The following CDC42BPA variants were observed in gnomAD, a reference collection of about 807,000 sequenced individuals.
CDC42BPA encodes serine/threonine-protein kinase MRCK alpha.
CDC42BPA carries 80 observed loss-of-function variants against 223.5 expected under a neutral mutation model. The ratio of observed to expected loss-of-function variants is 0.36; its 90% CI spans 0.30 to 0.43. The LOEUF is 0.43. CDC42BPA is among the 20% of genes least tolerant of loss of function. The probability of loss-of-function intolerance (pLI) is 1.00; values close to 1 mark genes in which losing one functional copy is unlikely to be tolerated. For missense variants in CDC42BPA, 1,743 were observed against 2,099.9 expected (o/e 0.83, Z 3.32); for synonymous variants, 694 against 718.6 (o/e 0.97, Z 0.55).
In CDC42BPA at chr1:227,317,346, C is replaced by A; in HGVS notation, c.-164G>T. On this transcript the variant is annotated 5_prime_UTR_variant, in exon 1 of 37. Transcript: ENST00000366766. ...AATTAAACATCCAACACACCAGTAACCTCACTTAACTGAAGCGTCTTCAAT... is the reference window on the plus strand; with the variant it reads ...AATTAAACATCCAACACACCAGTAAACTCACTTAACTGAAGCGTCTTCAAT... 2 of 624,194 alleles carry A rather than the reference C, an allele frequency of 3.2e-6. No homozygotes were observed. The highest frequency in any genetic ancestry group is 3.4e-5 in the Admixed American group (1 of 29,794). 38.7% of individuals were successfully genotyped at this position (624,194 alleles called of 1,614,324 possible). A position where few individuals can be genotyped will look rare whatever the true frequency, so the allele number is the denominator to read the frequency against.
chr1:227,016,780 T>C (rs558360010), intron 33 of CDC42BPA, 147 bp downstream of exon 33: 1 of 686,364 alleles, frequency 1.5e-6, no homozygotes, highest in East Asian at 2.8e-5. Context: ...CACTGAGAAG[T>C]TACATTCATT....
intron 3 of CDC42BPA, among the ~76,000 whole-genome samples, chr1:227,208,898 C>T (rs1246920197): frequency 1.3e-5 from 2 of 151,998 alleles, no homozygotes; most frequent in Non-Finnish European, 2.9e-5. Context: ...TGAAGAAAGT[C>T]ATTGGTAGCT....
chr1:227,118,614 T>A (rs1688138969), intron 12 of CDC42BPA, among the ~76,000 whole-genome samples: 1 of 152,112 alleles, frequency 6.6e-6, no homozygotes, highest in Admixed American at 6.5e-5. Context: ...TTTCATCCTC[T>A]TTCCAAAGGG....
At chr1:227,316,673 G>C (rs544903550) in intron 1 of CDC42BPA, among the ~76,000 whole-genome samples, 1 of 152,262 alleles carries the variant, frequency 6.6e-6, no homozygotes, top group South Asian at 2.1e-4. Context: ...GACTATTATA[G>C]TGCCATGTAT....
intron 1 of CDC42BPA, chr1:227,265,144 C>T: frequency 1.4e-6 from 1 of 726,620 alleles, no homozygotes. Context: ...TACTAAGATT[C>T]CAGCAACCAC....
At chr1:226,999,171 T>C (rs1445507670) in intron 35 of CDC42BPA, among the ~76,000 whole-genome samples, 3 of 143,066 alleles carry the variant, frequency 2.1e-5, no homozygotes, top group Admixed American at 7.1e-5. Flanking sequence ...TGTGGAGAAA[T>C]AGGAACACTT....
At chr1:227,233,936 T>C (rs934130329) in intron 2 of CDC42BPA, among the ~76,000 whole-genome samples, 2 of 152,146 alleles carry the variant, frequency 1.3e-5, no homozygotes, top group African/African-American at 4.8e-5. Context: ...CTGTCTCAAT[T>C]TTAAATAAAT....
intron 1 of CDC42BPA, among the ~76,000 whole-genome samples, chr1:227,297,873 T>C (rs1234299669): frequency 6.6e-6 from 1 of 150,980 alleles, no homozygotes; most frequent in African/African-American, 2.4e-5. Flanking sequence ...ATGTTATACA[T>C]TTTGAAATGT....
At chr1:227,297,967 T>C (rs199680470) in intron 1 of CDC42BPA, among the ~76,000 whole-genome samples, 3 of 132,082 alleles carry the variant, frequency 2.3e-5, no homozygotes, top group Admixed American at 7.5e-5. Context: ...TATATACATA[T>C]ACACACACAC....
At chr1:227,084,130 G>A (rs1443458309) in intron 16 of CDC42BPA, among the ~76,000 whole-genome samples, 3 of 152,164 alleles carry the variant, frequency 2.0e-5, no homozygotes, top group African/African-American at 7.2e-5. Flanking sequence ...TATTCATATA[G>A]TATTATTTTT....
intron 32 of CDC42BPA, among the ~76,000 whole-genome samples, chr1:227,021,228 T>C (rs1667315882): frequency 6.6e-6 from 1 of 152,000 alleles, no homozygotes; most frequent in Non-Finnish European, 1.5e-5. Flanking sequence ...GTTGGGAAAA[T>C]GGCACTGAGA....
intron 5 of CDC42BPA, among the ~76,000 whole-genome samples, chr1:227,168,962 A>G (rs1665631974): frequency 2.6e-5 from 4 of 152,038 alleles, no homozygotes; most frequent in Admixed American, 2.6e-4. Flanking sequence ...AGGTCCTTGG[A>G]CTACTATTAT....
intron 34 of CDC42BPA, among the ~76,000 whole-genome samples, chr1:227,010,631 A>C (rs1664991860): frequency 6.6e-6 from 1 of 152,222 alleles, no homozygotes; most frequent in Admixed American, 6.5e-5. Context: ...ACTGTGTTTC[A>C]AAAATGAAAA....
At chr1:227,207,610 G>A (rs1173522228) in intron 3 of CDC42BPA, among the ~76,000 whole-genome samples, 1 of 149,236 alleles carries the variant, frequency 6.7e-6, no homozygotes, top group East Asian at 2.0e-4. Context: ...GTAAGAATAT[G>A]CGGTGTTTGG....
chr1:227,263,194 T>C (rs754887017), intron 1 of CDC42BPA, among the ~76,000 whole-genome samples: 21 of 152,214 alleles, frequency 1.4e-4, no homozygotes, highest in Non-Finnish European at 2.8e-4. Context: ...ATCGTGCCAC[T>C]GCACTCCAGC....
rs1572881912 is a variant in CDC42BPA, at chr1:227,112,772, C to A, written c.1789G>T (p.Ala597Ser). The change falls in exon 13 of 37, where the codon GCT becomes TCT. Residue 597 changes from alanine (A) to serine (S), a missense_variant. Coordinates refer to ENST00000366766, the MANE Select transcript of CDC42BPA (RefSeq NM_001394014.1). ...TELHTQKQKL[A>S]RHVRDKEEEV... is the part of the protein sequence containing the mutation. ...TCTTCCTTATCTCGGACATGGCGAG[C>A]AAGTTTCTGTTTTTGGGTGTGCAAT... 6.2e-7 allele frequency: 1 copy of A among 1,613,930 alleles called. No homozygotes were observed. Among genetic ancestry groups the A allele is most frequent in the Non-Finnish European group, 8.5e-7 (1 of 1,179,996 alleles).
chr1:227,305,393 A>G (rs1443150735), intron 1 of CDC42BPA, among the ~76,000 whole-genome samples: 2 of 152,164 alleles, frequency 1.3e-5, no homozygotes, highest in African/African-American at 4.8e-5. Flanking sequence ...GGATAGGATA[A>G]AAGTAACTCA....
At chr1:227,275,601 C>T (rs1433869844) in intron 1 of CDC42BPA, among the ~76,000 whole-genome samples, 1 of 150,940 alleles carries the variant, frequency 6.6e-6, no homozygotes, top group African/African-American at 2.4e-5. Flanking sequence ...CCCCCTCCCC[C>T]TCTCCCCCTC....
chr1:227,256,989 A>ACACACACACACC (rs781287283), intron 1 of CDC42BPA, among the ~76,000 whole-genome samples: 73 of 146,718 alleles, frequency 5.0e-4, no homozygotes, highest in Middle Eastern at 7.1e-3. Context: ...ACACACACAC[A>ACACACACACACC]CCAGTATGTT....
Sources: allele counts gnomAD v4.1 joint callset (sites outside exome capture counted in the v4.1 genomes callset), GRCh38; gene constraint gnomAD v4.1.1; transcripts MANE v1.5; gene names NCBI Gene and HGNC (gene_info 2026-07-23, HGNC 2026-07-21).